CHST11: variants seen among roughly 807,000 people sequenced by gnomAD.
The protein encoded by CHST11 is carbohydrate sulfotransferase 11.
In CHST11, 9 loss-of-function variants were observed where a neutral mutation model predicts 30.4. The ratio of observed to expected loss-of-function variants is 0.30; its 90% confidence interval spans 0.18 to 0.52. The LOEUF (loss-of-function observed/expected upper bound fraction) is 0.52, where lower values mean the gene tolerates loss of function less well. Ranked by LOEUF, CHST11 falls within the 20% of genes least tolerant of loss-of-function variation. CHST11 has a pLI of 0.97. For synonymous variants in CHST11, 152 were observed against 187.8 expected (o/e 0.81, Z 1.56); for missense variants, 348 against 460.6 (o/e 0.76, Z 2.24).
rs74853434 is a variant in CHST11 at position 104,732,064 on chromosome 12, G to T, written c.205-24885G>T. ...AAACTGCAACCAGCTCCACAGCTATGCTCGGTCCCTCCAGGGAAGAGGATT... is the reference window on the plus strand; with the variant it reads ...AAACTGCAACCAGCTCCACAGCTATTCTCGGTCCCTCCAGGGAAGAGGATT... On this transcript the variant is annotated intron_variant, in intron 2 of 2. Transcript: ENST00000303694. Among the ~76,000 whole-genome samples the T allele has an allele frequency of 1.7e-3, 263 of 152,366 alleles. 7 individuals carry two copies. The East Asian group carries it at 0.042, about 25-fold the overall frequency.
intron 1 of CHST11, among the ~76,000 whole-genome samples, chr12:104,598,027 A>G (rs1487552670): frequency 6.6e-6 from 1 of 152,194 alleles, no homozygotes; most frequent in Non-Finnish European, 1.5e-5. Flanking sequence ...TACCCGCACC[A>G]TGGGACTGTT....
At chr12:104,607,689 T>A (rs2039020052) in intron 2 of CHST11, among the ~76,000 whole-genome samples, 1 of 151,600 alleles carries the variant, frequency 6.6e-6, no homozygotes, top group Non-Finnish European at 1.5e-5. Context: ...CTGTGAGGGG[T>A]TTGTGGCTGG....
intron 1 of CHST11, among the ~76,000 whole-genome samples, chr12:104,586,310 G>A (rs757001804): frequency 4.6e-5 from 7 of 152,332 alleles, no homozygotes; most frequent in South Asian, 2.1e-4. Flanking sequence ...AAGAATGGGC[G>A]AAAATCCCTT....
intron 2 of CHST11, among the ~76,000 whole-genome samples, chr12:104,746,501 C>A (rs2040389900): frequency 6.6e-6 from 1 of 152,320 alleles, no homozygotes; most frequent in African/African-American, 2.4e-5. Flanking sequence ...GAGGCCAACA[C>A]CAGGCCCTCC....
chr12:104,601,172 G>A (rs141307112), intron 1 of CHST11, among the ~76,000 whole-genome samples: 144 of 151,368 alleles, frequency 9.5e-4, no homozygotes, highest in African/African-American at 3.1e-3. Context: ...ATGACTATGC[G>A]TTACATAATG....
At chr12:104,587,433 G>A (rs999337608) in intron 1 of CHST11, among the ~76,000 whole-genome samples, 16 of 152,236 alleles carry the variant, frequency 1.1e-4, no homozygotes, top group African/African-American at 1.7e-4. Flanking sequence ...GGTCTCAAGC[G>A]GTTGCCCAGA....
At chr12:104,497,392 A>G (rs1028789979) in intron 1 of CHST11, among the ~76,000 whole-genome samples, 3 of 152,216 alleles carry the variant, frequency 2.0e-5, no homozygotes, top group African/African-American at 7.2e-5. Context: ...CTGCAGGCCG[A>G]AGAGAAAGGC....
At chr12:104,535,857 A>G (rs1030817150) in intron 1 of CHST11, among the ~76,000 whole-genome samples, 2 of 152,244 alleles carry the variant, frequency 1.3e-5, no homozygotes, top group African/African-American at 4.8e-5. Context: ...AAGAGATCAT[A>G]ACTCTGGATT....
At chr12:104,665,907 C>T (rs1006118738) in intron 2 of CHST11, among the ~76,000 whole-genome samples, 1 of 143,360 alleles carries the variant, frequency 7.0e-6, no homozygotes, top group African/African-American at 2.6e-5. Flanking sequence ...GCAACCTCTG[C>T]CTTCCAGGTT....
intron 2 of CHST11, among the ~76,000 whole-genome samples, chr12:104,619,249 C>G (rs2039137519): frequency 1.3e-5 from 2 of 152,258 alleles, no homozygotes; most frequent in South Asian, 2.1e-4. Context: ...GAAACTCACT[C>G]AGACCCCTCC....
At chr12:104,499,805 C>T (rs1182217855) in intron 1 of CHST11, among the ~76,000 whole-genome samples, 1 of 152,230 alleles carries the variant, frequency 6.6e-6, no homozygotes, top group Non-Finnish European at 1.5e-5. Context: ...CCTCTGTTCT[C>T]TTGCTGTCCT....
chr12:104,649,383 C>T (rs1038676047), intron 2 of CHST11, among the ~76,000 whole-genome samples: 7 of 152,152 alleles, frequency 4.6e-5, no homozygotes, highest in African/African-American at 1.4e-4. Flanking sequence ...TTAACACATA[C>T]AATTTCTAAT....
At chr12:104,472,943 T>TG (rs1002127856) in intron 1 of CHST11, among the ~76,000 whole-genome samples, 1 of 151,316 alleles carries the variant, frequency 6.6e-6, no homozygotes, top group African/African-American at 2.4e-5. Flanking sequence ...GAGCAGGGAG[T>TG]GGGGCAGTGA....
In CHST11 at chr12:104,493,093, T is replaced by G. The variant is rs1464905749; in HGVS notation, c.118+35564T>G. ...AATGAAGTGGAAATGAAATGCACAC[T>G]TACCTATAGCTGTGTTTCCTACTGT... On this transcript the variant is annotated intron_variant, in intron 1 of 2. Transcript: ENST00000303694. 2.6e-5 allele frequency among the ~76,000 whole-genome samples: 4 copies of G among 152,130 alleles called. No individual in the cohort carries two copies. In the Middle Eastern group the frequency reaches 0.01, roughly 388 times the overall value.
Position 104,458,018 on chromosome 12 carries a change from G to A in CHST11, c.118+489G>A, listed in dbSNP as rs371232493. On this transcript the variant is annotated intron_variant, in intron 1 of 2. Transcript: ENST00000303694. The surrounding 1 kb of genome is among the most constrained non-coding windows in gnomAD (Gnocchi z 5.7). ...TCTTCCTGGTTGCCGGGCCGGGGGC[G>A]AAGGGTGTACGCCCCGGCGAGGTTG... 3.0e-4 allele frequency among the ~76,000 whole-genome samples: 46 copies of A among 152,016 alleles called. 2 individuals carry two copies. In the East Asian group the frequency reaches 5.1e-3, roughly 17 times the overall value.
At chr12:104,647,558 A>G (rs1020917151) in intron 2 of CHST11, among the ~76,000 whole-genome samples, 3 of 152,194 alleles carry the variant, frequency 2.0e-5, no homozygotes, top group African/African-American at 7.2e-5. Flanking sequence ...AAGATCACAT[A>G]TTCTATCTTG....
chr12:104,671,975 G>A (rs2039701975), intron 2 of CHST11, among the ~76,000 whole-genome samples: 1 of 152,144 alleles, frequency 6.6e-6, no homozygotes, highest in African/African-American at 2.4e-5. Context: ...GGAGGCCTTG[G>A]CACAGTTCCC....
chr12:104,736,135 A>T (rs1353723839), intron 2 of CHST11, among the ~76,000 whole-genome samples: 1 of 152,118 alleles, frequency 6.6e-6, no homozygotes, highest in South Asian at 2.1e-4. Flanking sequence ...TCCATGGGCA[A>T]TGTCCAACGG....
chr12:104,622,596 G>A (rs1001702357), intron 2 of CHST11, among the ~76,000 whole-genome samples: 1 of 152,120 alleles, frequency 6.6e-6, no homozygotes, highest in African/African-American at 2.4e-5. Context: ...TAAATGTCAG[G>A]TAAGGCTAAA....
Sources: gnomAD v4.1 joint callset for allele counts (sites outside exome capture counted in the v4.1 genomes callset) on GRCh38, gnomAD v4.1.1 for gene constraint, Gnocchi (gnomAD v3.1) non-coding constraint, MANE v1.5 for transcripts, NCBI Gene and HGNC (gene_info 2026-07-23, HGNC 2026-07-21) for gene names.